The following LRBA variants were observed in gnomAD, a reference collection of about 807,000 sequenced individuals.
LRBA encodes LPS responsive beige-like anchor protein, also known as lipopolysaccharide-responsive and beige-like anchor protein.
LRBA carries 176 observed loss-of-function variants against 330.0 expected under a neutral mutation model. The observed-to-expected ratio is 0.53, with a 90% CI of 0.47 to 0.60. The LOEUF is 0.60. LRBA is among the 20% of genes least tolerant of loss of function. The pLI is 0.00. For synonymous variants in LRBA, 1,230 were observed against 1,193.0 expected (o/e 1.03, Z -0.64); for missense variants, 3,259 against 3,444.8 (o/e 0.95, Z 1.35).
chr4:150,858,042 TTAA>T (rs143503850), intron 22 of LRBA, among the ~76,000 whole-genome samples: 2,185 of 152,290 alleles, frequency 0.014, 53 homozygotes, highest in African/African-American at 0.048. Context: ...CACTAAAATG[TTAA>T]TAAGTTATAC....
At chr4:150,730,491 T>A (rs1730290415) in intron 36 of LRBA, among the ~76,000 whole-genome samples, 1 of 151,900 alleles carries the variant, frequency 6.6e-6, no homozygotes, top group Non-Finnish European at 1.5e-5. Flanking sequence ...GGGACCAGCC[T>A]GGCCAACATG....
chr4:150,762,428 A>T (rs1735219687), intron 34 of LRBA, among the ~76,000 whole-genome samples: 1 of 151,888 alleles, frequency 6.6e-6, no homozygotes, highest in African/African-American at 2.4e-5. Flanking sequence ...TTTGAAATTT[A>T]CCCATTAAAC....
intron 40 of LRBA, among the ~76,000 whole-genome samples, chr4:150,505,213 T>C (rs2152122296): frequency 6.6e-6 from 1 of 152,296 alleles, no homozygotes; most frequent in South Asian, 2.1e-4. Flanking sequence ...TGAACTCAGC[T>C]CTGCACCAAG....
At chr4:150,931,474 T>A (rs72719692) in intron 2 of LRBA, among the ~76,000 whole-genome samples, 167 of 151,386 alleles carry the variant, frequency 1.1e-3, no homozygotes, top group Non-Finnish European at 1.7e-3. Flanking sequence ...CATCAAAAGG[T>A]TAGTGGCTGG....
chr4:150,885,156 C>A (rs1363805806), intron 17 of LRBA, among the ~76,000 whole-genome samples: 1 of 146,014 alleles, frequency 6.8e-6, no homozygotes, highest in African/African-American at 2.5e-5. Flanking sequence ...CCTTTAGACA[C>A]TGTAGGACAA....
intron 22 of LRBA, among the ~76,000 whole-genome samples, chr4:150,856,772 G>T (rs1035912058): frequency 6.6e-6 from 1 of 152,100 alleles, no homozygotes; most frequent in African/African-American, 2.4e-5. Context: ...AAATTACCCA[G>T]CTAAAAGACT....
intron 44 of LRBA, among the ~76,000 whole-genome samples, chr4:150,456,431 G>A (rs530993100): frequency 7.2e-5 from 11 of 152,196 alleles, no homozygotes; most frequent in East Asian, 3.9e-4. Flanking sequence ...CAATGATGTT[G>A]AGTGCCTTTT....
intron 42 of LRBA, among the ~76,000 whole-genome samples, chr4:150,473,738 T>C (rs1336852396): frequency 6.6e-6 from 1 of 152,084 alleles, no homozygotes; most frequent in Non-Finnish European, 1.5e-5. Context: ...CTTTCCTGGG[T>C]CTCCAGCTGT....
At position 150,959,649 on chromosome 4, in the gene LRBA, T is replaced by A. The variant is rs1201205; in HGVS notation, c.217-30584A>T. 6.7e-3 allele frequency among the ~76,000 whole-genome samples: 994 copies of A among 148,754 alleles called. 23 individuals carry two copies. The highest frequency in any genetic ancestry group is 0.012 in the South Asian group (59 of 4,818). On this transcript the variant is annotated intron_variant, in intron 2 of 56. Transcript: ENST00000651943. ...ACAATAACAACGAATTGGTCTCCTG[T>A]AGAGGATAAGAAGAGAAATGGCTGT...
At chr4:150,759,947 AC>A (rs1181213734) in intron 35 of LRBA, among the ~76,000 whole-genome samples, 2 of 152,208 alleles carry the variant, frequency 1.3e-5, no homozygotes, top group African/African-American at 4.8e-5. Flanking sequence ...ACAATAACAT[AC>A]ATAAATAAGG....
intron 37 of LRBA, among the ~76,000 whole-genome samples, chr4:150,619,253 A>C (rs1776072159): frequency 1.3e-5 from 2 of 152,194 alleles, no homozygotes; most frequent in African/African-American, 4.8e-5. Context: ...ATGTTCTTCA[A>C]TCTGGAAATC....
intron 40 of LRBA, among the ~76,000 whole-genome samples, chr4:150,550,002 A>G (rs1385453694): frequency 6.6e-6 from 1 of 152,210 alleles, no homozygotes; most frequent in Non-Finnish European, 1.5e-5. Flanking sequence ...CATACAACAC[A>G]TAGTGTGTAA....
intron 22 of LRBA, among the ~76,000 whole-genome samples, chr4:150,855,888 C>A (rs1007935078): frequency 6.6e-6 from 1 of 152,052 alleles, no homozygotes; most frequent in Non-Finnish European, 1.5e-5. Context: ...CAAGAAAAGA[C>A]AAGATACACA....
chr4:150,644,251 C>G (rs1778933879), intron 37 of LRBA, among the ~76,000 whole-genome samples: 1 of 151,800 alleles, frequency 6.6e-6, no homozygotes, highest in Admixed American at 6.6e-5. Flanking sequence ...CCAAACAAAG[C>G]ACTCATTATA....
chr4:150,914,036 C>T (rs964728832), intron 9 of LRBA, among the ~76,000 whole-genome samples, 159 bp downstream of exon 9: 1 of 151,970 alleles, frequency 6.6e-6, no homozygotes, highest in African/African-American at 2.4e-5. Context: ...TCAAAATGTA[C>T]AGTTATTATT....
chr4:150,970,016 G>T (rs1430444052), intron 2 of LRBA, among the ~76,000 whole-genome samples: 1 of 152,186 alleles, frequency 6.6e-6, no homozygotes, highest in East Asian at 1.9e-4. Flanking sequence ...ACTTCATTGT[G>T]GTCTGATTTT....
At chr4:150,628,551 T>A (rs1186995432) in intron 37 of LRBA, among the ~76,000 whole-genome samples, 1 of 152,236 alleles carries the variant, frequency 6.6e-6, no homozygotes, top group East Asian at 1.9e-4. Flanking sequence ...TGATACCATA[T>A]GACCTTTATC....
At position 150,843,619 on chromosome 4, in the gene LRBA, T is replaced by C. The variant is rs191424067; in HGVS notation, c.4569+481A>G. 3.3e-5 allele frequency among the ~76,000 whole-genome samples: 5 copies of C among 152,308 alleles called. 1 individual carries two copies. In the East Asian group the frequency reaches 9.6e-4, roughly 29 times the overall value. On this transcript the variant is annotated intron_variant, in intron 28 of 56. Coordinates refer to ENST00000651943, the MANE Select transcript of LRBA (RefSeq NM_001364905.1). ...GTACCTTTGAGGAAAAAATATCCAA[T>C]ATTCAGTAAAATAATATGCCATTCA...
chr4:150,290,581 A>G (rs1728157281), intron 53 of LRBA, among the ~76,000 whole-genome samples: 1 of 152,246 alleles, frequency 6.6e-6, no homozygotes, highest in South Asian at 2.1e-4. Context: ...AAGAAAAATA[A>G]AAAGAGAAAG....
Sources: allele counts gnomAD v4.1 joint callset (sites outside exome capture counted in the v4.1 genomes callset), GRCh38; gene constraint gnomAD v4.1.1; transcripts MANE v1.5; gene names NCBI Gene and HGNC (gene_info 2026-07-23, HGNC 2026-07-21).